LDB2: variants seen among roughly 807,000 people sequenced by gnomAD.
LDB2 encodes LIM domain binding 2, also known as LIM domain-binding protein 2.
LDB2 carries 12 observed loss-of-function variants against 44.3 expected under a neutral mutation model. That is an observed-to-expected ratio of 0.27 (90% CI 0.17 to 0.44). LDB2 has a LOEUF of 0.44. LDB2 is among the 20% of genes least tolerant of loss of function. LDB2 has a pLI of 1.00. For synonymous variants in LDB2, 164 were observed against 174.8 expected, an observed-to-expected ratio of 0.94 and a Z score of 0.49; for missense variants, 344 against 473.5, an observed-to-expected ratio of 0.73 and a Z score of 2.54.
At chr4:16,897,926 A>ACACACATATG (rs1725676876) in intron 1 of LDB2, among the ~76,000 whole-genome samples, 2 of 17,388 alleles carry the variant, frequency 1.2e-4, no homozygotes, top group South Asian at 1.2e-3. Context: ...ATATATATAT[A>ACACACATATG]TATATATATA....
At chr4:16,830,821 A>G (rs1312734639) in intron 1 of LDB2, among the ~76,000 whole-genome samples, 1 of 152,134 alleles carries the variant, frequency 6.6e-6, no homozygotes, top group Admixed American at 6.5e-5. Flanking sequence ...TGGTTCATGA[A>G]AGGAAGATGG....
intron 5 of LDB2, among the ~76,000 whole-genome samples, chr4:16,541,999 A>C (rs571581771): frequency 2.6e-5 from 4 of 151,450 alleles, no homozygotes; most frequent in Non-Finnish European, 4.4e-5. Flanking sequence ...AATTTCTGGC[A>C]AGAACTTCTG....
In LDB2 at chr4:16,874,682, G is replaced by A. The variant is rs1366991458; in HGVS notation, c.132+23672C>T. Among the ~76,000 whole-genome samples, 7 of 152,212 alleles carry A rather than the reference G, an allele frequency of 4.6e-5. No individual in the cohort carries two copies. The East Asian group carries it at 1.3e-3, about 29-fold the overall frequency. ...AAGCCTGCTCAGAGACCTGCATCAT[G>A]TCTGTTTTCTAAAAGTATTATTTTG... On this transcript the variant is annotated intron_variant, in intron 1 of 7. Transcript: ENST00000304523.
At chr4:16,676,915 C>G (rs969353018) in intron 2 of LDB2, among the ~76,000 whole-genome samples, 4 of 152,154 alleles carry the variant, frequency 2.6e-5, no homozygotes, top group East Asian at 1.9e-4. Context: ...GAGGTGGGAA[C>G]AGTCAGGTGC....
intron 2 of LDB2, among the ~76,000 whole-genome samples, chr4:16,638,009 A>G (rs945316025): frequency 2.6e-5 from 4 of 152,212 alleles, no homozygotes; most frequent in African/African-American, 9.7e-5. Context: ...TTTTTAAAGC[A>G]CGATATTAAC....
intron 1 of LDB2, among the ~76,000 whole-genome samples, chr4:16,760,741 G>A (rs189332825): frequency 4.7e-4 from 71 of 152,286 alleles, no homozygotes; most frequent in African/African-American, 1.3e-3. Flanking sequence ...ATCTGAGACC[G>A]TGGCACACGT....
chr4:16,723,290 C>T (rs1361152766), intron 2 of LDB2, among the ~76,000 whole-genome samples: 1 of 152,136 alleles, frequency 6.6e-6, no homozygotes, highest in African/African-American at 2.4e-5. Context: ...TTGGGAAGTC[C>T]AAGGACATGG....
chr4:16,791,570 A>AAAAAAAAAAAAAAAAAAAAAAC (rs1157053185), intron 1 of LDB2, among the ~76,000 whole-genome samples: 3 of 150,966 alleles, frequency 2.0e-5, no homozygotes, highest in Non-Finnish European at 3.0e-5. Flanking sequence ...AAAAAAAAAA[A>AAAAAAAAAAAAAAAAAAAAAAC]AAGAAAGACA....
At chr4:16,896,854 A>C (rs1350747753) in intron 1 of LDB2, among the ~76,000 whole-genome samples, 4 of 152,212 alleles carry the variant, frequency 2.6e-5, no homozygotes, top group Non-Finnish European at 4.4e-5. Flanking sequence ...ACTGTTACAC[A>C]CACAAAGCAA....
intron 1 of LDB2, among the ~76,000 whole-genome samples, chr4:16,839,604 A>G (rs1785503633): frequency 6.6e-6 from 1 of 151,736 alleles, no homozygotes; most frequent in Admixed American, 6.6e-5. Context: ...AAGTTAAGTA[A>G]TTTTCCCAAG....
At chr4:16,655,060 G>A (rs1463777927) in intron 2 of LDB2, among the ~76,000 whole-genome samples, 5 of 152,108 alleles carry the variant, frequency 3.3e-5, no homozygotes, top group African/African-American at 9.7e-5. Flanking sequence ...TATTTTGCCC[G>A]ATCTGAAATT....
At position 16,695,554 on chromosome 4, in the gene LDB2, T is replaced by C. The variant is rs1751934834; in HGVS notation, c.235+63604A>G. Among the ~76,000 whole-genome samples, 3 of 152,186 alleles carry C rather than the reference T, an allele frequency of 2.0e-5. No homozygotes were observed. In the South Asian group the frequency reaches 6.2e-4, roughly 32 times the overall value. On this transcript the variant is annotated intron_variant, in intron 2 of 7. Coordinates refer to ENST00000304523, the MANE Select transcript of LDB2 (RefSeq NM_001290.5). Reference sequence around the variant, plus strand: ...AGTGCTTTAAAATATATCTCAACATTTTTTAGCAAAAGCACCATCTAATCA... The same window carrying C: ...AGTGCTTTAAAATATATCTCAACATCTTTTAGCAAAAGCACCATCTAATCA...
At chr4:16,819,425 A>C in intron 1 of LDB2, among the ~76,000 whole-genome samples, 1 of 150,330 alleles carries the variant, frequency 6.7e-6, no homozygotes. Context: ...TGGTCAAAGA[A>C]GAACCCTCCC....
rs1383533492 is a variant in LDB2, at chr4:16,898,399, C to T, written c.87G>A (p.Glu29=). 1.9e-6 allele frequency: 3 copies of T among 1,613,856 alleles called. No individual in the cohort carries two copies. Among genetic ancestry groups the T allele is most frequent in the Non-Finnish European group, 2.5e-6 (3 of 1,179,892 alleles). ...TCTTGTTCATCTCATAGATTCGGTACTCTGGCTGTACCATGTATGGTGTAT... is the reference window on the plus strand; with the variant it reads ...TCTTGTTCATCTCATAGATTCGGTATTCTGGCTGTACCATGTATGGTGTAT... The part of the protein sequence containing the change: ...RRHTPYMVQP[E]YRIYEMNKRL... Residue 29 remains glutamate, a synonymous_variant, in exon 1 of 8, where the codon GAG becomes GAA. Coordinates refer to ENST00000304523, the MANE Select transcript of LDB2 (RefSeq NM_001290.5).
intron 1 of LDB2, among the ~76,000 whole-genome samples, chr4:16,894,432 A>T (rs1440163722): frequency 6.6e-6 from 1 of 151,854 alleles, no homozygotes; most frequent in African/African-American, 2.4e-5. Context: ...TCTAATGTTG[A>T]AAAAAAAATT....
At chr4:16,889,062 GTCTC>G (rs200868279) in intron 1 of LDB2, among the ~76,000 whole-genome samples, 71 of 146,330 alleles carry the variant, frequency 4.9e-4, no homozygotes, top group Non-Finnish European at 6.9e-4. Flanking sequence ...TAGGACAAAT[GTCTC>G]TCTCTCTCTC....
intron 5 of LDB2, among the ~76,000 whole-genome samples, chr4:16,539,149 C>G (rs1732879993): frequency 6.6e-6 from 1 of 152,056 alleles, no homozygotes; most frequent in African/African-American, 2.4e-5. Context: ...AATTGGGGAT[C>G]AAGGAAAACC....
At chr4:16,780,851 G>A (rs1057300280) in intron 1 of LDB2, among the ~76,000 whole-genome samples, 29 of 152,002 alleles carry the variant, frequency 1.9e-4, no homozygotes, top group African/African-American at 7.0e-4. Context: ...TGATGTCAGT[G>A]AGGCAATAGC....
intron 2 of LDB2, among the ~76,000 whole-genome samples, chr4:16,697,264 A>C (rs1163009124): frequency 4.9e-5 from 3 of 61,694 alleles, no homozygotes. Context: ...CTCTACTAAA[A>C]ATACACACAC....
Sources: allele counts gnomAD v4.1 joint callset (sites outside exome capture counted in the v4.1 genomes callset), GRCh38; gene constraint gnomAD v4.1.1; transcripts MANE v1.5; gene names NCBI Gene and HGNC (gene_info 2026-07-23, HGNC 2026-07-21).